Variants in CMYA5 observed in about 807,000 individuals in gnomAD.
The protein encoded by CMYA5 is cardiomyopathy associated 5.
Under a neutral mutation model 318.9 loss-of-function variants are expected in CMYA5, and 246 were observed. The ratio of observed to expected loss-of-function variants is 0.77; its 90% confidence interval spans 0.70 to 0.86. The LOEUF is 0.86. CMYA5 is among the 40% of genes least tolerant of loss of function. The probability of loss-of-function intolerance (pLI) is 0.00; values close to 1 mark genes in which losing one functional copy is unlikely to be tolerated. For missense variants in CMYA5, 4,589 were observed against 4,678.2 expected, an observed-to-expected ratio of 0.98 and a Z score of 0.56; for synonymous variants, 1,641 against 1,729.5, an observed-to-expected ratio of 0.95 and a Z score of 1.27.
chr5:79,730,503 GAAGA>G lies in CMYA5; in HGVS notation c.1743_1746del (p.Glu583LysfsTer21), dbSNP rs1384558165. The stretch of plus-strand genomic sequence containing the variant: ...TCCTGAACATGTTGCTTTGTCTGAG[GAAGA>G]AAGAGAGGAAATTGCATCTGTTTCT... On this transcript the variant is annotated frameshift_variant, in exon 2 of 13. Transcript: ENST00000446378. LOFTEE classifies it high-confidence loss of function. 6.2e-7 allele frequency: 1 copy of G among 1,613,926 alleles called. No individual in the cohort carries two copies. Among genetic ancestry groups the G allele is most frequent in the Non-Finnish European group, 8.5e-7 (1 of 1,179,882 alleles).
intron 1 of CMYA5, among the ~76,000 whole-genome samples, chr5:79,718,049 C>A (rs1411505405): frequency 9.3e-6 from 1 of 107,662 alleles, no homozygotes; most frequent in Non-Finnish European, 1.8e-5. Flanking sequence ...CCACTACGCC[C>A]GGCTATTTTT....
chr5:79,799,743 A>T lies in CMYA5; in HGVS notation c.*127A>T. ...ATTTGCACTAATGATGGCTGCATGCATAGCAATCAGCATGTGAGCAAAATC... is the reference window on the plus strand; with the variant it reads ...ATTTGCACTAATGATGGCTGCATGCTTAGCAATCAGCATGTGAGCAAAATC... On this transcript the variant is annotated 3_prime_UTR_variant, in exon 13 of 13. Coordinates refer to ENST00000446378, the MANE Select transcript of CMYA5 (RefSeq NM_153610.5). The T allele has an allele frequency of 7.9e-7, 1 of 1,266,990 alleles. No homozygotes were observed. The highest frequency in any genetic ancestry group is 1.1e-6 in the Non-Finnish European group (1 of 939,120). 78.5% of individuals were successfully genotyped at this position (1,266,990 alleles called of 1,614,324 possible).
In CMYA5 at chr5:79,690,273, C is replaced by T. The variant is rs577814870; in HGVS notation, c.149+217C>T. Among the ~76,000 whole-genome samples, 38 of 152,334 alleles carry T rather than the reference C, an allele frequency of 2.5e-4. 1 individual carries two copies. Among genetic ancestry groups the T allele is most frequent in the Admixed American group, 2.5e-3 (38 of 15,308 alleles). On this transcript the variant is annotated intron_variant, in intron 1 of 12. Coordinates refer to ENST00000446378, the MANE Select transcript of CMYA5 (RefSeq NM_153610.5). ...CAGCAGAGTTCATTACCCCCGCCCC[C>T]AGCTCCTTGTGACTCGCTGCTCTTG...
At chr5:79,749,324 C>T (rs1265182362) in intron 5 of CMYA5, among the ~76,000 whole-genome samples, 1 of 152,134 alleles carries the variant, frequency 6.6e-6, no homozygotes, top group Non-Finnish European at 1.5e-5. Context: ...TGAAGCTGGG[C>T]GCCATCACTG....
At chr5:79,695,215 A>G (rs1361861830) in intron 1 of CMYA5, among the ~76,000 whole-genome samples, 3 of 152,262 alleles carry the variant, frequency 2.0e-5, no homozygotes, top group Non-Finnish European at 4.4e-5. Context: ...ACAAGAGACC[A>G]GTTGTGGCTG....
intron 9 of CMYA5, among the ~76,000 whole-genome samples, chr5:79,787,106 A>G (rs752074531): frequency 1.3e-4 from 20 of 152,278 alleles, no homozygotes; most frequent in Non-Finnish European, 2.6e-4. Context: ...CTTACCTACA[A>G]AACAGTATCC....
intron 9 of CMYA5, among the ~76,000 whole-genome samples, chr5:79,786,131 G>T (rs1196707874): frequency 6.6e-6 from 1 of 152,204 alleles, no homozygotes; most frequent in Non-Finnish European, 1.5e-5. Context: ...AGATGAGCAG[G>T]TTGAGAGGCC....
intron 1 of CMYA5, among the ~76,000 whole-genome samples, chr5:79,691,861 C>T (rs1160855960): frequency 6.6e-6 from 1 of 152,120 alleles, no homozygotes; most frequent in Non-Finnish European, 1.5e-5. Context: ...AGACCTCAAT[C>T]AAATACATGT....
intron 1 of CMYA5, among the ~76,000 whole-genome samples, chr5:79,713,932 T>C (rs1827462664): frequency 6.8e-6 from 1 of 146,500 alleles, no homozygotes. Flanking sequence ...CAGGCACATG[T>C]CTTAGTCACT....
In CMYA5 at chr5:79,767,010, G is replaced by A. The variant is rs560153321; in HGVS notation, c.11555+3801G>A. Among the ~76,000 whole-genome samples, 739 of 152,132 alleles carry A rather than the reference G, an allele frequency of 4.9e-3. 2 individuals are homozygous for A. The highest frequency in any genetic ancestry group is 8.2e-3 in the Non-Finnish European group (560 of 67,980). On this transcript the variant is annotated intron_variant, in intron 9 of 12. Transcript: ENST00000446378. ...TTGTTATTGGTCTATTCAGGGATTC[G>A]ACTTCTTCCTGGTTTAGTCTTGGGA... is the stretch of plus-strand genomic sequence containing the variant.
chr5:79,703,956 G>A (rs535525712), intron 1 of CMYA5, among the ~76,000 whole-genome samples: 7 of 152,204 alleles, frequency 4.6e-5, no homozygotes, highest in Non-Finnish European at 5.9e-5. Context: ...GCTGGGCATC[G>A]TGATGCGCAC....
At chr5:79,694,523 A>G (rs1483878348) in intron 1 of CMYA5, among the ~76,000 whole-genome samples, 1 of 152,144 alleles carries the variant, frequency 6.6e-6, no homozygotes, top group East Asian at 1.9e-4. Context: ...TCATTTCTCT[A>G]TTTAAGCACA....
chr5:79,714,289 A>G (rs1827469966), intron 1 of CMYA5, among the ~76,000 whole-genome samples: 1 of 152,080 alleles, frequency 6.6e-6, no homozygotes, highest in African/African-American at 2.4e-5. Flanking sequence ...TTTATCTTGC[A>G]AAACCTCACA....
rs768157399 is a variant in CMYA5, at chr5:79,791,077, G to A, written c.11789+8G>A. ...GAGGAGACGGCTGACGGAGTAAGTA[G>A]AAGAAGAAAGCACAAGTGGGCTGAT... On this transcript the variant is annotated splice_region_variant and intron_variant, in intron 11 of 12. Coordinates refer to ENST00000446378, the MANE Select transcript of CMYA5 (RefSeq NM_153610.5). 12 of 1,603,448 alleles carry A rather than the reference G, an allele frequency of 7.5e-6. No individual in the cohort carries two copies. Among genetic ancestry groups the A allele is most frequent in the Non-Finnish European group, 1.0e-5 (12 of 1,171,206 alleles).
Position 79,739,258 on chromosome 5 carries a change from A to C in CMYA5, c.10493A>C (p.Glu3498Ala), listed in dbSNP as rs1409551786. 6.2e-7 allele frequency: 1 copy of C among 1,609,864 alleles called. No individual in the cohort carries two copies. Among genetic ancestry groups the C allele is most frequent in the Non-Finnish European group, 8.5e-7 (1 of 1,177,360 alleles). Residue 3498 changes from glutamate (E) to alanine (A), a missense_variant, in exon 2 of 13, where the codon GAA becomes GCA. Physicochemically the swap from Glu to Ala is moderately radical, Grantham distance 107. Around this residue, in one of 3 missense-constraint regions of CMYA5, gnomAD observed 2,431 missense variants for 2,495.1 expected, o/e 0.97. Coordinates refer to ENST00000446378, the MANE Select transcript of CMYA5 (RefSeq NM_153610.5). ...CAATTATCATCTGAGGTAGTAACTGAAAAGGCACAAAAAGAGCTGAAAAAG... is the reference window on the plus strand; with the variant it reads ...CAATTATCATCTGAGGTAGTAACTGCAAAGGCACAAAAAGAGCTGAAAAAG... ...EDQLSSEVVTEKAQKELKKSQ... is the reference protein window; with the variant it reads ...EDQLSSEVVTAKAQKELKKSQ...
intron 6 of CMYA5, among the ~76,000 whole-genome samples, chr5:79,757,521 A>T (rs945892305): frequency 1.3e-5 from 2 of 152,194 alleles, no homozygotes; most frequent in Non-Finnish European, 2.9e-5. Context: ...GTTAGTAATT[A>T]AAAAAATTGA....
chr5:79,788,858 G>A, intron 9 of CMYA5, 113 bp from the exon 10 acceptor site: 2 of 1,114,822 alleles, frequency 1.8e-6, no homozygotes, highest in Non-Finnish European at 1.3e-6. Flanking sequence ...AAAAGGGGAA[G>A]AAAATAAGTT....
intron 1 of CMYA5, among the ~76,000 whole-genome samples, chr5:79,703,587 G>A (rs1444822358): frequency 6.6e-6 from 1 of 152,160 alleles, no homozygotes; most frequent in Non-Finnish European, 1.5e-5. Flanking sequence ...CATCTCACAG[G>A]TGGGCTATAA....
rs567341189 is a variant in CMYA5, at chr5:79,721,555, G to A, written c.150-7360G>A. ...GCTGCTTATAAGCAACATATCTAAA[G>A]TATAAAGATATAGGAAGGTTCCAAG... On this transcript the variant is annotated intron_variant, in intron 1 of 12. Coordinates refer to ENST00000446378, the MANE Select transcript of CMYA5 (RefSeq NM_153610.5). 6.9e-3 allele frequency among the ~76,000 whole-genome samples: 1,045 copies of A among 152,170 alleles called. 14 individuals carry two copies. The highest frequency in any genetic ancestry group is 0.012 in the South Asian group (56 of 4,808).
Sources: allele counts gnomAD v4.1 joint callset (sites outside exome capture counted in the v4.1 genomes callset), GRCh38; gene constraint gnomAD v4.1.1; regional missense constraint gnomAD v4.1.1; transcripts MANE v1.5; gene names NCBI Gene and HGNC (gene_info 2026-07-23, HGNC 2026-07-21).